The following ZNF780B variants were observed in gnomAD, a reference collection of about 807,000 sequenced individuals.
ZNF780B encodes zinc finger protein 779.
Under a neutral mutation model 74.1 loss-of-function variants are expected in ZNF780B, and 52 were observed. The observed-to-expected ratio is 0.70, with a 90% CI of 0.56 to 0.88. The LOEUF (loss-of-function observed/expected upper bound fraction) is 0.88. ZNF780B is among the 40% of genes least tolerant of loss of function. ZNF780B has a pLI of 0.00. For missense variants in ZNF780B, 953 were observed against 1,007.6 expected, an observed-to-expected ratio of 0.95 and a Z score of 0.73; for synonymous variants, 315 against 324.3, an observed-to-expected ratio of 0.97 and a Z score of 0.31.
chr19:40,038,151 C>G (rs1481389470), intron 4 of ZNF780B, among the ~76,000 whole-genome samples: 3 of 151,216 alleles, frequency 2.0e-5, no homozygotes, highest in East Asian at 1.9e-4. Flanking sequence ...ACCTATGAGT[C>G]AGAACATGTG....
rs996195484 is a variant in ZNF780B, at chr19:40,031,297, C to G, written c.*3060G>C. ...AGTGCAGTGGCACGATCTTGGCTCA[C>G]TGCCACCTCCACCTTCCAATTTCGA... is the stretch of plus-strand genomic sequence containing the variant. On this transcript the variant is annotated 3_prime_UTR_variant, in exon 5 of 5. Coordinates refer to ENST00000434248, the MANE Select transcript of ZNF780B (RefSeq NM_001005851.3). 9.9e-5 allele frequency: 15 copies of G among 152,266 alleles called. No homozygotes were observed. Among genetic ancestry groups the G allele is most frequent in the African/African-American group, 3.6e-4 (15 of 41,462 alleles). 9.4% of individuals were successfully genotyped at this position (152,266 alleles called of 1,614,324 possible). A position where few individuals can be genotyped will look rare whatever the true frequency, so the allele number is the denominator to read the frequency against.
Position 40,044,125 on chromosome 19 carries a change from G to A in ZNF780B, c.232+3250C>T, listed in dbSNP as rs187433344. On this transcript the variant is annotated intron_variant, in intron 4 of 4. Coordinates refer to ENST00000434248, the MANE Select transcript of ZNF780B (RefSeq NM_001005851.3). ...ATCTGAATGAATGAATAAAGCCACC[G>A]TAACATATGGGACATCATAAAACAA... 4.0e-3 allele frequency among the ~76,000 whole-genome samples: 609 copies of A among 152,214 alleles called. 4 individuals carry two copies. Among genetic ancestry groups the A allele is most frequent in the African/African-American group, 0.014 (570 of 41,532 alleles).
chr19:40,050,441 A>G (rs762687430), intron 1 of ZNF780B, 64 bp from the exon 2 acceptor site: 41 of 1,425,486 alleles, frequency 2.9e-5, no homozygotes, highest in Non-Finnish European at 3.9e-5. Flanking sequence ...TAGAACGAAT[A>G]AATATTTTAT....
At position 40,034,969 on chromosome 19, in the gene ZNF780B, G is replaced by C; in HGVS notation, c.1890C>G (p.His630Gln). 1 of 1,611,288 alleles carries C rather than the reference G, an allele frequency of 6.2e-7. No homozygotes were observed. The highest frequency in any genetic ancestry group is 8.5e-7 in the Non-Finnish European group (1 of 1,179,108). ...TCTCACCTGTGTGAATGTTCTTATGGTGATTAAGCTGGGTGTGAAGACTGA... is the reference window on the plus strand; with the variant it reads ...TCTCACCTGTGTGAATGTTCTTATGCTGATTAAGCTGGGTGTGAAGACTGA... ...KAFSLHTQLN[H>Q]HKNIHTGEKP... The change falls in exon 5 of 5, where the codon CAC becomes CAG. Residue 630 changes from histidine (H) to glutamine (Q), a missense_variant. Coordinates refer to ENST00000434248, the MANE Select transcript of ZNF780B (RefSeq NM_001005851.3).
At chr19:40,036,651 C>T (rs1329261322) in intron 4 of ZNF780B, 25 bp from the exon 5 acceptor site, 1 of 1,420,914 alleles carries the variant, frequency 7.0e-7, no homozygotes, top group South Asian at 1.5e-5. Flanking sequence ...GAAGGCAAAC[C>T]TATTTTATTT....
intron 4 of ZNF780B, among the ~76,000 whole-genome samples, chr19:40,039,255 T>G (rs960173194): frequency 6.6e-6 from 1 of 152,258 alleles, no homozygotes; most frequent in Non-Finnish European, 1.5e-5. Context: ...GGCTCTGCTC[T>G]GTTCCATTGA....
Position 40,035,007 on chromosome 19 carries a change from A to G in ZNF780B, c.1852T>C (p.Cys618Arg), listed in dbSNP as rs1972185633. 6 of 1,613,912 alleles carry G rather than the reference A, an allele frequency of 3.7e-6. No individual in the cohort carries two copies. Among genetic ancestry groups the G allele is most frequent in the Admixed American group, 1.7e-5 (1 of 60,006 alleles). ...TGEKPFECKE[C>R]GKAFSLHTQL... ...GTGTGAAGACTGAAGGCCTTGCCAC[A>G]TTCCTTACATTCAAAGGGCTTCTCA... Residue 618 changes from cysteine to arginine, a missense_variant, in exon 5 of 5, where the codon TGT (cysteine) becomes CGT (arginine). By Grantham distance (180) the Cys-to-Arg change is radical (BLOSUM62 -3). Transcript: ENST00000434248.
intron 4 of ZNF780B, among the ~76,000 whole-genome samples, chr19:40,046,463 T>G (rs1222272932): frequency 1.3e-5 from 2 of 152,240 alleles, no homozygotes; most frequent in African/African-American, 4.8e-5. Flanking sequence ...CAAAACCCTG[T>G]ATGATACGAC....
rs558707986 is a variant in ZNF780B at position 40,036,364 on chromosome 19, A to T, written c.495T>A (p.Tyr165Ter). Reference protein sequence around the residue: ...ASPIHNTHKPYECKECGKYFS... With the variant: ...ASPIHNTHKP ...AGTATTTCCCACATTCCTTACATTC[A>T]TATGGTTTATGTGTATTATGAATAG... The change falls in exon 5 of 5, where the codon TAT becomes TAA. Residue 165 changes from tyrosine (Y) to a stop codon, truncating the protein, a stop_gained. Transcript: ENST00000434248. LOFTEE classifies it high-confidence loss of function. 1.9e-6 allele frequency: 3 copies of T among 1,613,466 alleles called. No homozygotes were observed. The highest frequency in any genetic ancestry group is 8.5e-7 in the Non-Finnish European group (1 of 1,179,816).
rs529157808 is a variant in ZNF780B at position 40,039,863 on chromosome 19, C to A, written c.233-3237G>T. Among the ~76,000 whole-genome samples the A allele has an allele frequency of 6.6e-5, 10 of 151,866 alleles. No individual in the cohort carries two copies. In the South Asian group the frequency reaches 1.0e-3, roughly 16 times the overall value. ...CAATCATGTCATCTGCAAACAGGGA[C>A]AATTTGACTTCCTCTTTTCCTAATT... On this transcript the variant is annotated intron_variant, in intron 4 of 4. Coordinates refer to ENST00000434248, the MANE Select transcript of ZNF780B (RefSeq NM_001005851.3).
At chr19:40,049,421 C>T (rs938402134) in intron 2 of ZNF780B, among the ~76,000 whole-genome samples, 1 of 152,072 alleles carries the variant, frequency 6.6e-6, no homozygotes, top group Admixed American at 6.6e-5. Context: ...TCTATTTATA[C>T]ATTTAAGATG....
Position 40,035,370 on chromosome 19 carries a change from C to T in ZNF780B, c.1489G>A (p.Gly497Ser). The change falls in exon 5 of 5, where the codon GGT becomes AGT. Residue 497 changes from glycine (G) to serine (S), a missense_variant. By Grantham distance (56) the Gly-to-Ser change is moderately conservative. Transcript: ENST00000434248. ...TCTTTACATTCAAATGGTTTCTCAC[C>T]AGTATGAATGTTCTTATGTCGAGCA... ...QLARHKNIHT[G>S]EKPFECKDCG... is the part of the protein sequence containing the mutation. 4.3e-6 allele frequency: 7 copies of T among 1,614,126 alleles called. No individual in the cohort carries two copies. Among genetic ancestry groups the T allele is most frequent in the Non-Finnish European group, 5.1e-6 (6 of 1,180,026 alleles).
intron 1 of ZNF780B, among the ~76,000 whole-genome samples, chr19:40,050,589 G>A (rs768196628): frequency 1.2e-4 from 18 of 152,196 alleles, no homozygotes; most frequent in Non-Finnish European, 2.5e-4. Flanking sequence ...CCAAGCTCTC[G>A]CCTACATCCC....
rs369807076 is a variant in ZNF780B at position 40,036,130 on chromosome 19, G to A, written c.729C>T (p.His243=). The A allele has an allele frequency of 1.5e-4, 234 of 1,613,714 alleles. No individual in the cohort carries two copies. Among genetic ancestry groups the A allele is most frequent in the Non-Finnish European group, 1.8e-4 (211 of 1,179,916 alleles). The change falls in exon 5 of 5, where the codon CAC becomes CAT. Residue 243 remains histidine (H), a synonymous_variant. Coordinates refer to ENST00000434248, the MANE Select transcript of ZNF780B (RefSeq NM_001005851.3). ...TACATTCAAACAGTTTCTTAACTGT[G>A]TGAATGTTCTTATGGCGATTAAGCT... is the stretch of plus-strand genomic sequence containing the variant. ...PTQLNRHKNI[H]TVKKLFECKE... is the part of the protein sequence containing the mutation.
rs889793581 is a variant in ZNF780B, at chr19:40,045,325, T to C, written c.232+2050A>G. Reference sequence around the variant, plus strand: ...AACAAAGAAACATTGGGTTTAAACATACCTGAGAGGATGAGGGAAAAAGGG... The same window carrying C: ...AACAAAGAAACATTGGGTTTAAACACACCTGAGAGGATGAGGGAAAAAGGG... On this transcript the variant is annotated intron_variant, in intron 4 of 4. Coordinates refer to ENST00000434248, the MANE Select transcript of ZNF780B (RefSeq NM_001005851.3). Among the ~76,000 whole-genome samples, 12 of 152,236 alleles carry C rather than the reference T, an allele frequency of 7.9e-5. 1 individual carries two copies. In the South Asian group the frequency reaches 2.3e-3, roughly 29 times the overall value.
In ZNF780B at chr19:40,035,439, C is replaced by A; in HGVS notation, c.1420G>T (p.Glu474Ter). ...AAGGCCTTTCCACATTCTTTACATT[C>A]AAAGGGTTTCCCACCAGTATGAATT... ...CQIHTGGKPF[E>*]CKECGKAFSL... The change falls in exon 5 of 5, where the codon GAA (glutamate) becomes TAA (stop). Residue 474 changes from glutamate (E) to a stop codon, truncating the protein, a stop_gained. Transcript: ENST00000434248. LOFTEE classifies it high-confidence loss of function. 1 of 1,614,166 alleles carries A rather than the reference C, an allele frequency of 6.2e-7. No individual in the cohort carries two copies. Among genetic ancestry groups the A allele is most frequent in the Non-Finnish European group, 8.5e-7 (1 of 1,180,028 alleles).
In ZNF780B at chr19:40,036,479, C is replaced by G. The variant is rs200055025; in HGVS notation, c.380G>C (p.Arg127Thr). 1.5e-4 allele frequency: 249 copies of G among 1,610,498 alleles called. No homozygotes were observed. The highest frequency in any genetic ancestry group is 2.1e-4 in the Non-Finnish European group (245 of 1,179,070). ...YFRNDSEYRS[R>T]FEGRQGHQEG... is the part of the protein sequence containing the mutation. ...TTGATGTCCCTGTCGTCCCTCAAAT[C>G]TACTTCTATATTCTGAGTCATTTCT... The change falls in exon 5 of 5, where the codon AGA becomes ACA. Residue 127 changes from arginine (R) to threonine (T), a missense_variant. Physicochemically the swap from Arg to Thr is moderately conservative, Grantham distance 71 (BLOSUM62 -1). Transcript: ENST00000434248.
In ZNF780B at chr19:40,028,956, C is replaced by G. The variant is rs1052471874; in HGVS notation, c.*5401G>C. 1 of 151,866 alleles carries G rather than the reference C, an allele frequency of 6.6e-6. No individual in the cohort carries two copies. Among genetic ancestry groups the G allele is most frequent in the East Asian group, 1.9e-4 (1 of 5,202 alleles). 9.4% of individuals were successfully genotyped at this position (151,866 alleles called of 1,614,324 possible). ...ACACCTTGGAGAAATAACTGCAGTC[C>G]TTATTCTAGATAGTCACAGCCAACT... is the stretch of plus-strand genomic sequence containing the variant. On this transcript the variant is annotated 3_prime_UTR_variant, in exon 5 of 5. Coordinates refer to ENST00000434248, the MANE Select transcript of ZNF780B (RefSeq NM_001005851.3).
rs146214083 is a variant in ZNF780B, at chr19:40,049,586, C to T, written c.9+738G>A. Among the ~76,000 whole-genome samples, 7 of 152,238 alleles carry T rather than the reference C, an allele frequency of 4.6e-5. No individual in the cohort carries two copies. The East Asian group carries it at 1.2e-3, about 25-fold the overall frequency. On this transcript the variant is annotated intron_variant, in intron 2 of 4. Transcript: ENST00000434248. ...CCTTGTCACGCTTGCAGACTGAGGC[C>T]ACTCACTATGGAATTCTACCTCAGC...
Sources: allele counts gnomAD v4.1 joint callset (sites outside exome capture counted in the v4.1 genomes callset), GRCh38; gene constraint gnomAD v4.1.1; transcripts MANE v1.5; gene names NCBI Gene and HGNC (gene_info 2026-07-23, HGNC 2026-07-21).